The following DNMBP variants were observed in gnomAD, a reference collection of about 807,000 sequenced individuals.
DNMBP encodes the protein dynamin-binding protein.
In DNMBP, 87 loss-of-function variants were observed where a neutral mutation model predicts 150.0. The ratio of observed to expected loss-of-function variants is 0.58; its 90% confidence interval spans 0.49 to 0.69. The LOEUF is 0.69. DNMBP is among the 30% of genes least tolerant of loss of function. DNMBP has a pLI of 0.00. For synonymous variants in DNMBP, 711 were observed against 750.4 expected (o/e 0.95, Z 0.86); for missense variants, 1,774 against 1,949.0 (o/e 0.91, Z 1.69).
chr10:99,907,938 T>A, intron 6 of DNMBP, 57 bp downstream of exon 6: 1 of 1,338,452 alleles, frequency 7.5e-7, no homozygotes, highest in East Asian at 2.3e-5. Context: ...GGCCACTTAC[T>A]CCTGCCCATG....
At chr10:99,933,988 G>A (rs1244062099) in intron 4 of DNMBP, among the ~76,000 whole-genome samples, 2 of 152,092 alleles carry the variant, frequency 1.3e-5, no homozygotes, top group Non-Finnish European at 2.9e-5. Context: ...CCCCTGCCTC[G>A]GCGTCCCAAA....
At chr10:99,992,549 C>T (rs911927929) in intron 1 of DNMBP, among the ~76,000 whole-genome samples, 1 of 129,484 alleles carries the variant, frequency 7.7e-6, no homozygotes, top group Non-Finnish European at 1.6e-5. Context: ...TTTTTTGAGA[C>T]GGAGTCTGGC....
At chr10:99,894,109 C>T (rs1178764508) in intron 11 of DNMBP, among the ~76,000 whole-genome samples, 3 of 152,096 alleles carry the variant, frequency 2.0e-5, no homozygotes, top group African/African-American at 2.4e-5. Flanking sequence ...CATAGTAAGA[C>T]CTCATCTCTG....
intron 4 of DNMBP, among the ~76,000 whole-genome samples, chr10:99,923,317 C>A (rs904751290): frequency 6.6e-6 from 1 of 151,942 alleles, no homozygotes; most frequent in African/African-American, 2.4e-5. Flanking sequence ...ACACCAGAGT[C>A]GGAGGCTGCA....
chr10:99,880,016 T>C lies in DNMBP; in HGVS notation c.4343A>G (p.Asp1448Gly), dbSNP rs1421378725. Residue 1448 changes from aspartate to glycine, a missense_variant, in exon 16 of 17, where the codon GAC becomes GGC. Transcript: ENST00000324109. ...TACATCTCTAGCTACATCTGCAGAG[T>C]CCCCTGACCTTGGCTGGGAGGTGGA... ...PDSTSQPRSG[D>G]SADVARDVKQ... 1 of 1,614,086 alleles carries C rather than the reference T, an allele frequency of 6.2e-7. No individual in the cohort carries two copies. Among genetic ancestry groups the C allele is most frequent in the Admixed American group, 1.7e-5 (1 of 60,010 alleles).
rs1323183665 is a variant in DNMBP at position 99,902,141 on chromosome 10, C to T, written c.2555-2075G>A. On this transcript the variant is annotated intron_variant, in intron 6 of 16. Transcript: ENST00000324109. ...TTGGGCTCAAGTGATCCACCTGCCT[C>T]GGCCCTTCCAAAGTGCTGGGATAAC... Among the ~76,000 whole-genome samples, 9 of 152,056 alleles carry T rather than the reference C, an allele frequency of 5.9e-5. No homozygotes were observed. The South Asian group carries it at 1.5e-3, about 25-fold the overall frequency.
chr10:99,941,843 C>G (rs1016579747), intron 4 of DNMBP, among the ~76,000 whole-genome samples: 2 of 152,202 alleles, frequency 1.3e-5, no homozygotes, highest in Non-Finnish European at 2.9e-5. Flanking sequence ...ATGCTGAGAG[C>G]TGAGCACCTC....
chr10:99,929,474 C>T, intron 4 of DNMBP: 1 of 587,172 alleles, frequency 1.7e-6, no homozygotes, highest in South Asian at 2.2e-5. Context: ...TAAGGTTGTT[C>T]TCACTCAAGG....
At chr10:99,968,355 C>T (rs898430750) in intron 3 of DNMBP, among the ~76,000 whole-genome samples, 11 of 152,052 alleles carry the variant, frequency 7.2e-5, no homozygotes, top group South Asian at 2.1e-4. Flanking sequence ...CCTCCGCCCA[C>T]GCCCCGTATC....
intron 1 of DNMBP, among the ~76,000 whole-genome samples, chr10:100,003,515 C>G (rs1415063694): frequency 1.3e-5 from 2 of 152,170 alleles, no homozygotes; most frequent in Non-Finnish European, 2.9e-5. Flanking sequence ...ATAAAAATGT[C>G]AGAAAAATGA....
chr10:99,913,774 C>T (rs1227990698), intron 4 of DNMBP, among the ~76,000 whole-genome samples: 2 of 152,160 alleles, frequency 1.3e-5, no homozygotes, highest in African/African-American at 4.8e-5. Flanking sequence ...AACTCCATCA[C>T]ACACACTTCA....
chr10:99,949,694 C>G (rs2133319352), intron 4 of DNMBP, among the ~76,000 whole-genome samples: 1 of 152,292 alleles, frequency 6.6e-6, no homozygotes, highest in Middle Eastern at 3.4e-3. Flanking sequence ...CCGAAATAGA[C>G]TACACCCACA....
At chr10:99,960,077 G>A (rs2040547270) in intron 3 of DNMBP, among the ~76,000 whole-genome samples, 1 of 152,024 alleles carries the variant, frequency 6.6e-6, no homozygotes, top group African/African-American at 2.4e-5. Context: ...AACGTAAGCT[G>A]AACAGTTAGC....
intron 6 of DNMBP, 81 bp downstream of exon 6, chr10:99,907,914 C>T: frequency 1.0e-6 from 1 of 969,296 alleles, no homozygotes. Flanking sequence ...GGCATAGTTA[C>T]TCAGTATCAG....
In DNMBP at chr10:99,875,812, C is replaced by T. The variant is rs2039261858; in HGVS notation, c.*1339G>A. 6.6e-6 allele frequency: 1 copy of T among 152,168 alleles called. No individual in the cohort carries two copies. Among genetic ancestry groups the T allele is most frequent in the Non-Finnish European group, 1.5e-5 (1 of 68,040 alleles). 9.4% of individuals were successfully genotyped at this position (152,168 alleles called of 1,614,324 possible). On this transcript the variant is annotated 3_prime_UTR_variant, in exon 17 of 17. Transcript: ENST00000324109. ...TCCCTTTCTTTTAAAAGACAAATTT[C>T]ATGGTTTCCCATTCCAAGATAGGCT...
intron 14 of DNMBP, among the ~76,000 whole-genome samples, 196 bp downstream of exon 14, chr10:99,885,491 C>A (rs1014500486): frequency 6.6e-6 from 1 of 151,474 alleles, no homozygotes; most frequent in Non-Finnish European, 1.5e-5. Context: ...AGCCTGGCAA[C>A]AGAATGAGAT....
intron 1 of DNMBP, among the ~76,000 whole-genome samples, chr10:100,000,859 CAAAAAA>C (rs36026874): frequency 5.7e-5 from 3 of 52,544 alleles, no homozygotes; most frequent in Non-Finnish European, 8.0e-5. Flanking sequence ...CCTGTTATGG[CAAAAAA>C]AAAAAAAAAA....
intron 4 of DNMBP, among the ~76,000 whole-genome samples, chr10:99,939,071 A>G (rs2040265995): frequency 6.6e-6 from 1 of 152,060 alleles, no homozygotes; most frequent in Non-Finnish European, 1.5e-5. Flanking sequence ...GAGAGAGAAG[A>G]GACAGAGAAG....
intron 15 of DNMBP, among the ~76,000 whole-genome samples, chr10:99,883,242 C>A (rs928489947): frequency 1.3e-5 from 2 of 152,054 alleles, no homozygotes; most frequent in African/African-American, 4.8e-5. Flanking sequence ...AAATCACTCT[C>A]CCTCCAAAAA....
Sources: gnomAD v4.1 joint callset for allele counts (sites outside exome capture counted in the v4.1 genomes callset) on GRCh38, gnomAD v4.1.1 for gene constraint, MANE v1.5 for transcripts, NCBI Gene and HGNC (gene_info 2026-07-23, HGNC 2026-07-21) for gene names.